Variants in CENPP observed in about 807,000 individuals in gnomAD.
CENPP encodes centromere protein P.
CENPP carries 24 observed loss-of-function variants against 35.6 expected under a neutral mutation model. That is an observed-to-expected ratio of 0.67 (90% CI 0.49 to 0.95). The LOEUF (loss-of-function observed/expected upper bound fraction) is 0.95, where lower values mean the gene tolerates loss of function less well. CENPP is among the 40% of genes least tolerant of loss of function. The pLI is 0.00. For missense variants in CENPP, 332 were observed against 345.3 expected, an observed-to-expected ratio of 0.96 and a Z score of 0.31; for synonymous variants, 120 against 125.5, an observed-to-expected ratio of 0.96 and a Z score of 0.29.
chr9:92,342,021 G>C (rs868280394), intron 3 of CENPP, among the ~76,000 whole-genome samples: 3 of 152,238 alleles, frequency 2.0e-5, no homozygotes, highest in African/African-American at 7.2e-5. Flanking sequence ...AAACTTGTAA[G>C]TTTTCAAGGG....
In CENPP at chr9:92,406,588, G is replaced by A. The variant is rs187714326; in HGVS notation, c.564+26729G>A. Among the ~76,000 whole-genome samples the A allele has an allele frequency of 3.0e-3, 459 of 152,248 alleles. 2 individuals carry two copies. Among genetic ancestry groups the A allele is most frequent in the African/African-American group, 0.01 (429 of 41,540 alleles). Reference sequence around the variant, plus strand: ...AGTTTCTGTGGGTCAGGAATTTGGCGTGTCTTTGCTTGATGGTCTGCTTCA... The same window carrying A: ...AGTTTCTGTGGGTCAGGAATTTGGCATGTCTTTGCTTGATGGTCTGCTTCA... On this transcript the variant is annotated intron_variant, in intron 5 of 7. Coordinates refer to ENST00000375587, the MANE Select transcript of CENPP (RefSeq NM_001012267.3).
At chr9:92,501,600 C>A (rs771431736) in intron 5 of CENPP, among the ~76,000 whole-genome samples, 2 of 152,166 alleles carry the variant, frequency 1.3e-5, no homozygotes, top group Non-Finnish European at 2.9e-5. Context: ...ATCTGGGGAA[C>A]GTGGTGAACT....
chr9:92,580,250 G>A (rs1279507246), intron 5 of CENPP, among the ~76,000 whole-genome samples: 1 of 152,020 alleles, frequency 6.6e-6, no homozygotes, highest in Admixed American at 6.6e-5. Context: ...CAAGGATATT[G>A]GTCTAAAATT....
intron 5 of CENPP, among the ~76,000 whole-genome samples, chr9:92,427,521 C>T (rs924382843): frequency 2.0e-5 from 3 of 151,966 alleles, no homozygotes; most frequent in African/African-American, 7.2e-5. Context: ...ACTCTTGTTG[C>T]CCAGGCTGGA....
chr9:92,575,828 T>G (rs1257219235), intron 5 of CENPP, among the ~76,000 whole-genome samples: 1 of 151,246 alleles, frequency 6.6e-6, no homozygotes, highest in African/African-American at 2.4e-5. Context: ...AAAAAGAATG[T>G]CTCCTATCCA....
intron 5 of CENPP, among the ~76,000 whole-genome samples, chr9:92,573,969 G>A (rs1440829290): frequency 1.3e-5 from 2 of 152,174 alleles, no homozygotes; most frequent in Non-Finnish European, 2.9e-5. Context: ...TAGAGTGGGA[G>A]TGTCCCGATT....
rs538872235 is a variant in CENPP at position 92,426,572 on chromosome 9, A to G, written c.564+46713A>G. Among the ~76,000 whole-genome samples the G allele has an allele frequency of 4.6e-5, 7 of 152,324 alleles. No individual in the cohort carries two copies. In the East Asian group the frequency reaches 9.7e-4, roughly 21 times the overall value. On this transcript the variant is annotated intron_variant, in intron 5 of 7. Transcript: ENST00000375587. ...GAGTGCGATGGAAGAGAATAATGCAAGGTAAAGGGATAAAAATGAATGAGG... is the reference window on the plus strand; with the variant it reads ...GAGTGCGATGGAAGAGAATAATGCAGGGTAAAGGGATAAAAATGAATGAGG...
At chr9:92,483,163 C>G (rs1214751777) in intron 5 of CENPP, among the ~76,000 whole-genome samples, 1 of 152,112 alleles carries the variant, frequency 6.6e-6, no homozygotes, top group African/African-American at 2.4e-5. Context: ...ATTTGTACCC[C>G]CTTTCCACTC....
chr9:92,392,235 C>T (rs943281120), intron 5 of CENPP, among the ~76,000 whole-genome samples: 3 of 152,068 alleles, frequency 2.0e-5, no homozygotes, highest in Non-Finnish European at 4.4e-5. Flanking sequence ...TTAGAATCAT[C>T]CAAGGAGTTT....
intron 5 of CENPP, among the ~76,000 whole-genome samples, chr9:92,537,248 C>T (rs1005857864): frequency 4.6e-5 from 7 of 151,970 alleles, no homozygotes; most frequent in African/African-American, 1.2e-4. Flanking sequence ...GTTTAAATGA[C>T]GTGGTTAGAC....
chr9:92,557,429 GAATTCT>G (rs1419644131), intron 5 of CENPP, among the ~76,000 whole-genome samples: 1 of 152,160 alleles, frequency 6.6e-6, no homozygotes, highest in African/African-American at 2.4e-5. Context: ...CAAGCTTTTA[GAATTCT>G]CTTCTTCCTC....
Position 92,617,944 on chromosome 9 carries a change from T to G in CENPP, c.*4795T>G. The G allele has an allele frequency of 3.3e-6, 1 of 304,536 alleles. No homozygotes were observed. Among genetic ancestry groups the G allele is most frequent in the Non-Finnish European group, 6.5e-6 (1 of 154,076 alleles). 18.9% of individuals were successfully genotyped at this position (304,536 alleles called of 1,614,324 possible). A position where few individuals can be genotyped will look rare whatever the true frequency, so the allele number is the denominator to read the frequency against. ...CCTTTATTTTAGGGGGTGTAAGAAG[T>G]TTAAATGTGGTCAATCTATCTGTGA... On this transcript the variant is annotated 3_prime_UTR_variant, in exon 8 of 8. Transcript: ENST00000375587.
chr9:92,603,744 A>G (rs1214926905), intron 5 of CENPP, among the ~76,000 whole-genome samples: 2 of 152,050 alleles, frequency 1.3e-5, no homozygotes, highest in Non-Finnish European at 2.9e-5. Flanking sequence ...CCACACCCCC[A>G]GAGCACATCC....
intron 5 of CENPP, among the ~76,000 whole-genome samples, chr9:92,594,774 G>A (rs1476818913): frequency 6.6e-6 from 1 of 151,798 alleles, no homozygotes; most frequent in African/African-American, 2.4e-5. Context: ...GGACAACATA[G>A]CAAGACCCCA....
intron 4 of CENPP, among the ~76,000 whole-genome samples, chr9:92,350,004 T>C (rs1024549307): frequency 2.0e-5 from 3 of 152,216 alleles, no homozygotes; most frequent in Non-Finnish European, 4.4e-5. Flanking sequence ...AGAATGACCA[T>C]ACTGTTTTGT....
At chr9:92,446,518 T>A (rs1844555203) in intron 5 of CENPP, among the ~76,000 whole-genome samples, 1 of 152,200 alleles carries the variant, frequency 6.6e-6, no homozygotes, top group Non-Finnish European at 1.5e-5. Flanking sequence ...TGTAGTCTGT[T>A]GTAGAGCTAT....
chr9:92,514,473 C>T (rs2131205931), intron 5 of CENPP, among the ~76,000 whole-genome samples: 1 of 152,178 alleles, frequency 6.6e-6, no homozygotes. Flanking sequence ...TGGGGTTTCA[C>T]CATATTGTCC....
rs191131772 is a variant in CENPP at position 92,564,396 on chromosome 9, A to T, written c.565-46918A>T. On this transcript the variant is annotated intron_variant, in intron 5 of 7. Transcript: ENST00000375587. ...AGAACAAGACTCTGTCTCAAAAAAA[A>T]AAAATAAAATAAAGGTTACTGTAGT... Among the ~76,000 whole-genome samples, 182 of 152,256 alleles carry T rather than the reference A, an allele frequency of 1.2e-3. No individual in the cohort carries two copies. In the East Asian group the frequency reaches 0.019, roughly 16 times the overall value.
intron 5 of CENPP, among the ~76,000 whole-genome samples, chr9:92,450,342 G>A (rs1319417529): frequency 6.0e-5 from 9 of 149,790 alleles, no homozygotes; most frequent in Non-Finnish European, 8.9e-5. Flanking sequence ...GAGAAGATGC[G>A]GTGTTTGGTT....
Sources: allele counts gnomAD v4.1 joint callset (sites outside exome capture counted in the v4.1 genomes callset), GRCh38; gene constraint gnomAD v4.1.1; transcripts MANE v1.5; gene names NCBI Gene and HGNC (gene_info 2026-07-23, HGNC 2026-07-21).